The following DNAH2 variants were observed in gnomAD, a reference collection of about 807,000 sequenced individuals.
The protein encoded by DNAH2 is dynein axonemal heavy chain 2, also known as axonemal beta dynein heavy chain 2.
DNAH2 carries 323 observed loss-of-function variants against 523.5 expected under a neutral mutation model. The observed-to-expected ratio is 0.62, with a 90% CI of 0.56 to 0.68. The LOEUF is 0.68. Among genes scored for constraint, DNAH2 ranks in the 30% least tolerant of loss-of-function variants. The pLI, the probability that DNAH2 is intolerant of heterozygous loss-of-function variation, is 0.00. For missense variants in DNAH2, 4,907 were observed against 5,701.5 expected (o/e 0.86, Z 4.49); for synonymous variants, 2,093 against 2,177.4 (o/e 0.96, Z 1.08).
chr17:7,827,960 A>C (rs1277079175), intron 77 of DNAH2, among the ~76,000 whole-genome samples: 1 of 151,932 alleles, frequency 6.6e-6, no homozygotes, highest in Non-Finnish European at 1.5e-5. Flanking sequence ...TTTGGGATGG[A>C]GTCTCACTCT....
Position 7,818,034 on chromosome 17 carries a change from A to T in DNAH2, c.10325A>T (p.Asn3442Ile). ...TTTGGATACCCGGTGCTACTTCAGA[A>T]CGTGCAGGAATATCTGGACCCCACA... Reference protein sequence around the residue: ...IHFGYPVLLQNVQEYLDPTLN... With the variant: ...IHFGYPVLLQIVQEYLDPTLN... The change falls in exon 68 of 86, where the codon AAC (asparagine) becomes ATC (isoleucine). Residue 3442 changes from asparagine (N) to isoleucine (I), a missense_variant. Around this residue, in one of 3 missense-constraint regions of DNAH2, gnomAD observed 1,851 missense variants for 2,139.4 expected, o/e 0.87. Coordinates refer to ENST00000572933, the MANE Select transcript of DNAH2 (RefSeq NM_020877.5). 3 of 1,614,076 alleles carry T rather than the reference A, an allele frequency of 1.9e-6. No individual in the cohort carries two copies. Among genetic ancestry groups the T allele is most frequent in the Non-Finnish European group, 2.5e-6 (3 of 1,180,030 alleles).
Position 7,798,032 on chromosome 17 carries a change from A to C in DNAH2, c.8231-125A>C. ...ATTGCCTCCTGGGCCTTGGGCACCAACTTCTTCTCATACCTCTTGGTTCCT... is the reference window on the plus strand; with the variant it reads ...ATTGCCTCCTGGGCCTTGGGCACCACCTTCTTCTCATACCTCTTGGTTCCT... On this transcript the variant is annotated intron_variant, in intron 53 of 85. Coordinates refer to ENST00000572933, the MANE Select transcript of DNAH2 (RefSeq NM_020877.5). The surrounding 1 kb of genome is among the most constrained non-coding windows in gnomAD (Gnocchi z 5.5). 7.1e-7 allele frequency: 1 copy of C among 1,413,600 alleles called. No homozygotes were observed. The highest frequency in any genetic ancestry group is 2.6e-4 in the Middle Eastern group (1 of 3,840). The allele number at this position is 1,413,600 out of a possible 1,614,324, so 87.6% of individuals were successfully genotyped here.
intron 18 of DNAH2, among the ~76,000 whole-genome samples, chr17:7,761,910 A>G (rs1037978959): frequency 6.6e-6 from 1 of 151,860 alleles, no homozygotes; most frequent in African/African-American, 2.4e-5. Flanking sequence ...GAGTTAAGAA[A>G]AAAAAAAAAA....
chr17:7,776,584 C>G (rs1296189793), intron 31 of DNAH2, among the ~76,000 whole-genome samples, 195 bp from the exon 32 acceptor site: 2 of 152,336 alleles, frequency 1.3e-5, no homozygotes, highest in South Asian at 2.1e-4. Flanking sequence ...TCTTACCCCC[C>G]TTTCTGAGCT....
intron 44 of DNAH2, among the ~76,000 whole-genome samples, chr17:7,790,850 A>G (rs2151270923): frequency 6.6e-6 from 1 of 151,710 alleles, no homozygotes; most frequent in East Asian, 2.0e-4. Flanking sequence ...GAGATTACAG[A>G]TGCACACCAC....
chr17:7,735,882 A>T (rs1489305582), intron 7 of DNAH2, among the ~76,000 whole-genome samples: 1 of 151,960 alleles, frequency 6.6e-6, no homozygotes, highest in African/African-American at 2.4e-5. Flanking sequence ...CCTCCCGAGT[A>T]GCTGAGATTA....
chr17:7,787,698 T>G, intron 42 of DNAH2, 162 bp from the exon 43 acceptor site: 1 of 923,068 alleles, frequency 1.1e-6, no homozygotes, highest in Non-Finnish European at 1.5e-6. Flanking sequence ...ATCACGCCAC[T>G]GCACTCCAGC....
At chr17:7,830,550 G>A (rs1322596498) in intron 78 of DNAH2, 59 bp downstream of exon 78, 1 of 1,605,472 alleles carries the variant, frequency 6.2e-7, no homozygotes, top group East Asian at 2.2e-5. Context: ...CCTACCCCAT[G>A]GCTCCCCTGT....
chr17:7,781,957 A>G (rs1567689189), intron 39 of DNAH2, among the ~76,000 whole-genome samples: 1 of 152,214 alleles, frequency 6.6e-6, no homozygotes, highest in Non-Finnish European at 1.5e-5. Context: ...GATCCTTTCA[A>G]TTGAAACTAC....
rs1450440017 is a variant in DNAH2 at position 7,831,673 on chromosome 17, A to AGACC, written c.12625_12628dup (p.Leu4210ArgfsTer25). On this transcript the variant is annotated frameshift_variant, in exon 82 of 86. Transcript: ENST00000572933. LOFTEE classifies it high-confidence loss of function. This position sits in a 1 kb window ranked among gnomAD's most constrained non-coding sequence, Gnocchi z 4.2. ...TCATCCTGCTCAGGTTCTCACTGACAGACCTAGAGAAAGGCATCCAGGGTC... is the reference window on the plus strand; with the variant it reads ...TCATCCTGCTCAGGTTCTCACTGACAGACCGACCTAGAGAAAGGCATCCAGGGTC... The AGACC allele has an allele frequency of 6.2e-7, 1 of 1,614,180 alleles. No individual in the cohort carries two copies. The highest frequency in any genetic ancestry group is 8.5e-7 in the Non-Finnish European group (1 of 1,180,000).
chr17:7,749,830 A>G (rs1426995620), intron 12 of DNAH2, among the ~76,000 whole-genome samples: 1 of 151,994 alleles, frequency 6.6e-6, no homozygotes, highest in Non-Finnish European at 1.5e-5. Context: ...CCCCGTCTAT[A>G]CTAAAAATAC....
intron 5 of DNAH2, 114 bp from the exon 6 acceptor site, chr17:7,734,069 C>A: frequency 1.2e-6 from 1 of 843,286 alleles, no homozygotes; most frequent in Non-Finnish European, 1.8e-6. Flanking sequence ...CTTCTACCTG[C>A]TCTCCTGAAA....
At chr17:7,764,357 G>A in intron 20 of DNAH2, 84 bp downstream of exon 20, 1 of 1,493,934 alleles carries the variant, frequency 6.7e-7, no homozygotes, top group Non-Finnish European at 9.0e-7. Flanking sequence ...CTCGGGGAGA[G>A]TAGAGAAGTG....
At chr17:7,808,584 C>T (rs1170986523) in intron 63 of DNAH2, among the ~76,000 whole-genome samples, 1 of 152,040 alleles carries the variant, frequency 6.6e-6, no homozygotes, top group Admixed American at 6.6e-5. Context: ...AAGAAGTTTC[C>T]CCTCGCCCAC....
intron 39 of DNAH2, among the ~76,000 whole-genome samples, chr17:7,782,572 T>A (rs1026618562): frequency 6.6e-6 from 1 of 151,998 alleles, no homozygotes; most frequent in Admixed American, 6.5e-5. Context: ...CAACTCATGG[T>A]CAAAAATCAC....
chr17:7,770,123 C>A, intron 24 of DNAH2, 129 bp from the exon 25 acceptor site: 1 of 1,275,228 alleles, frequency 7.8e-7, no homozygotes, highest in Non-Finnish European at 1.1e-6. Flanking sequence ...ATTGCATCTT[C>A]GAGCCTGTTT....
intron 12 of DNAH2, among the ~76,000 whole-genome samples, chr17:7,749,864 G>A (rs931005924): frequency 4.0e-5 from 6 of 151,878 alleles, no homozygotes; most frequent in Admixed American, 6.6e-5. Flanking sequence ...GCATGGTGGC[G>A]GGTGGCTGTA....
intron 58 of DNAH2, among the ~76,000 whole-genome samples, chr17:7,803,450 C>T (rs573165031): frequency 1.3e-5 from 2 of 152,292 alleles, no homozygotes; most frequent in South Asian, 4.1e-4. Context: ...GTGGGCCGAT[C>T]ACTTGAGGTC....
In DNAH2 at chr17:7,791,073, T is replaced by G. The variant is rs551872119; in HGVS notation, c.6901-844T>G. ...GTATCCATAGAAAATATGTTTTTTG[T>G]TTTTTTTTTTGTTTTTGGAGATGGA... On this transcript the variant is annotated intron_variant, in intron 44 of 85. Coordinates refer to ENST00000572933, the MANE Select transcript of DNAH2 (RefSeq NM_020877.5). Among the ~76,000 whole-genome samples the G allele has an allele frequency of 2.1e-4, 30 of 143,420 alleles. No homozygotes were observed. The South Asian group carries it at 3.3e-3, about 16-fold the overall frequency. The allele number at this position is 143,420 out of a possible 152,430, so 94.1% of individuals were successfully genotyped here. A position where few individuals can be genotyped will look rare whatever the true frequency, so the allele number is the denominator to read the frequency against.
Sources: gnomAD v4.1 joint callset for allele counts (sites outside exome capture counted in the v4.1 genomes callset) on GRCh38, gnomAD v4.1.1 for gene constraint, gnomAD v4.1.1 regional missense constraint, Gnocchi (gnomAD v3.1) non-coding constraint, MANE v1.5 for transcripts, NCBI Gene and HGNC (gene_info 2026-07-23, HGNC 2026-07-21) for gene names.